The following KRT39 variants were observed in gnomAD, a reference collection of about 807,000 sequenced individuals.
KRT39 encodes keratin, type I cytoskeletal 39.
KRT39 carries 47 observed loss-of-function variants against 54.8 expected under a neutral mutation model. The observed-to-expected ratio is 0.86, with a 90% confidence interval of 0.68 to 1.09. The LOEUF (loss-of-function observed/expected upper bound fraction) is 1.09. KRT39 is among the 50% of genes least tolerant of loss of function. The pLI, the probability that KRT39 is intolerant of heterozygous loss-of-function variation, is 0.00. For missense variants in KRT39, 580 were observed against 598.5 expected (o/e 0.97, Z 0.32); for synonymous variants, 207 against 227.9 (o/e 0.91, Z 0.83).
In KRT39 at chr17:40,959,093, T is replaced by G. The variant is rs141756966; in HGVS notation, c.1218-234A>C. Among the ~76,000 whole-genome samples the G allele has an allele frequency of 2.0e-5, 3 of 152,352 alleles. No individual in the cohort carries two copies. In the East Asian group the frequency reaches 5.8e-4, roughly 29 times the overall value. On this transcript the variant is annotated intron_variant, in intron 6 of 6. Transcript: ENST00000355612. ...ATTCGATTATGTAAGTTTCCATTAG[T>G]CAATACCATCACATTGTGGAAAGAA...
chr17:40,960,350 A>T lies in KRT39; in HGVS notation c.1148T>A (p.Leu383Gln), dbSNP rs1398270676. 6.2e-7 allele frequency: 1 copy of T among 1,613,990 alleles called. No individual in the cohort carries two copies. The highest frequency in any genetic ancestry group is 1.3e-5 in the African/African-American group (1 of 74,896). The change falls in exon 6 of 7, where the codon CTG becomes CAG. Residue 383 changes from leucine to glutamine, a missense_variant. Physicochemically the swap from Leu to Gln is moderately radical, Grantham distance 113. Coordinates refer to ENST00000355612, the MANE Select transcript of KRT39 (RefSeq NM_213656.4). ...ERQNQEYEIL[L>Q]DVKSRLECEI... is the part of the protein sequence containing the mutation. ...ACATTCCAGCCGGGACTTGACGTCC[A>T]GCAGGATCTCGTATTCTTGGTTCTG...
intron 1 of KRT39, among the ~76,000 whole-genome samples, chr17:40,965,602 G>T (rs780504119): frequency 6.6e-6 from 1 of 152,146 alleles, no homozygotes; most frequent in South Asian, 2.1e-4. Context: ...AGCAGAATAC[G>T]TCTGTGCATA....
At chr17:40,966,186 A>T (rs1332720869) in intron 1 of KRT39, among the ~76,000 whole-genome samples, 4 of 152,154 alleles carry the variant, frequency 2.6e-5, no homozygotes, top group African/African-American at 9.7e-5. Flanking sequence ...TTAGGATTAC[A>T]GGTGTGCATC....
chr17:40,963,690 G>A lies in KRT39; in HGVS notation c.645C>T (p.Asp215=), dbSNP rs17843020. ...ILNVLTLGKA[D]LEAQVQSLKE... Reference sequence around the variant, plus strand: ...TCAGAGACTGGACTTGTGCCTCTAGGTCGGCCTTGCCCAGGGTCAGCACAT... The same window carrying A: ...TCAGAGACTGGACTTGTGCCTCTAGATCGGCCTTGCCCAGGGTCAGCACAT... Residue 215 remains aspartate, a synonymous_variant, in exon 3 of 7, where the codon GAC becomes GAT. Transcript: ENST00000355612. The A allele has an allele frequency of 0.15, 235,681 of 1,610,654 alleles. 18,717 individuals are homozygous for A. The highest frequency in any genetic ancestry group is 0.28 in the Middle Eastern group (1,671 of 6,046).
intron 3 of KRT39, among the ~76,000 whole-genome samples, chr17:40,962,962 T>G (rs923616679): frequency 6.6e-6 from 1 of 152,302 alleles, no homozygotes; most frequent in Non-Finnish European, 1.5e-5. Flanking sequence ...GGCAGAAGCC[T>G]GTATAGGGAT....
rs571586115 is a variant in KRT39 at position 40,958,674 on chromosome 17, A to G, written c.1403T>C (p.Ile468Thr). Residue 468 changes from isoleucine (I) to threonine (T), a missense_variant, in exon 7 of 7, where the codon ATT (isoleucine) becomes ACT (threonine). Transcript: ENST00000355612. ...LVKICTITKE[I>T]KDGKVISSYE... ...AGAAGAAATGACCTTCCCATCCTTA[A>G]TCTCCTTGGTGATGGTGCAAATTTT... 1 of 1,614,038 alleles carries G rather than the reference A, an allele frequency of 6.2e-7. No individual in the cohort carries two copies. Among genetic ancestry groups the G allele is most frequent in the South Asian group, 1.1e-5 (1 of 91,070 alleles).
Position 40,960,606 on chromosome 17 carries a change from A to G in KRT39, c.997-105T>C, listed in dbSNP as rs1911115135. The G allele has an allele frequency of 3.7e-5, 28 of 748,532 alleles. No individual in the cohort carries two copies. The South Asian group carries it at 4.5e-4, about 12-fold the overall frequency. The allele number at this position is 748,532 out of a possible 1,614,324, so 46.4% of individuals were successfully genotyped here. A position where few individuals can be genotyped will look rare whatever the true frequency, so the allele number is the denominator to read the frequency against. On this transcript the variant is annotated intron_variant, in intron 5 of 6. Coordinates refer to ENST00000355612, the MANE Select transcript of KRT39 (RefSeq NM_213656.4). ...ATGGTTTCTTTGTGACACTACTGAT[A>G]GATCTCCAAGCACTTTATTTATTGT... is the stretch of plus-strand genomic sequence containing the variant.
intron 6 of KRT39, among the ~76,000 whole-genome samples, chr17:40,959,389 A>G (rs1026413969): frequency 5.3e-5 from 8 of 152,244 alleles, no homozygotes; most frequent in Admixed American, 4.6e-4. Context: ...AAGAGTCCTC[A>G]CTGTGTCATC....
intron 3 of KRT39, 79 bp from the exon 4 acceptor site, chr17:40,962,642 G>T: frequency 8.1e-7 from 1 of 1,238,732 alleles, no homozygotes; most frequent in East Asian, 2.3e-5. Flanking sequence ...TAACTGCTAC[G>T]ATTTAGCTTA....
At chr17:40,959,803 G>A (rs1029542690) in intron 6 of KRT39, among the ~76,000 whole-genome samples, 3 of 152,162 alleles carry the variant, frequency 2.0e-5, no homozygotes, top group African/African-American at 7.2e-5. Flanking sequence ...ACATACATGT[G>A]TACATGCTTC....
chr17:40,960,332 AG>A lies in KRT39; in HGVS notation c.1165del (p.Leu389TrpfsTer41). On this transcript the variant is annotated frameshift_variant, in exon 6 of 7. Coordinates refer to ENST00000355612, the MANE Select transcript of KRT39 (RefSeq NM_213656.4). LOFTEE classifies it high-confidence loss of function. ...YEILLDVKSR[L>X]ECEITTYRSL... ...GCGGTATGTGGTAATCTCACATTCC[AG>A]CCGGGACTTGACGTCCAGCAGGATC... is the stretch of plus-strand genomic sequence containing the variant. 6.2e-7 allele frequency: 1 copy of A among 1,613,914 alleles called. No homozygotes were observed.
Position 40,966,394 on chromosome 17 carries a change from G to A in KRT39, c.463C>T (p.Gln155Ter), listed in dbSNP as rs1911396757. 1 of 1,602,974 alleles carries A rather than the reference G, an allele frequency of 6.2e-7. No homozygotes were observed. The highest frequency in any genetic ancestry group is 1.3e-5 in the African/African-American group (1 of 74,556). Reference sequence around the variant, plus strand: ...CAGGTTCTTAGGAATCTTACCTTCTGCTGGAGCTCCTCAATGGTAGTGTAG... The same window carrying A: ...CAGGTTCTTAGGAATCTTACCTTCTACTGGAGCTCCTCAATGGTAGTGTAG... ...SYYTTIEELQ[Q>*]KILCTKAENS... Residue 155 changes from glutamine to a stop codon, truncating the protein, a stop_gained, in exon 1 of 7, where the codon CAG becomes TAG. Coordinates refer to ENST00000355612, the MANE Select transcript of KRT39 (RefSeq NM_213656.4). LOFTEE classifies it high-confidence loss of function.
Position 40,958,652 on chromosome 17 carries a change from A to C in KRT39, c.1425T>G (p.Ser475=). ...AACAAGGCTGCACATGCTCGTAAGAAGAAATGACCTTCCCATCCTTAATCT... is the reference window on the plus strand; with the variant it reads ...AACAAGGCTGCACATGCTCGTAAGACGAAATGACCTTCCCATCCTTAATCT... ...TKEIKDGKVI[S]SYEHVQPCFI... Residue 475 remains serine, a synonymous_variant, in exon 7 of 7, where the codon TCT becomes TCG. Transcript: ENST00000355612. 1.9e-6 allele frequency: 3 copies of C among 1,613,990 alleles called. No individual in the cohort carries two copies. The highest frequency in any genetic ancestry group is 1.7e-6 in the Non-Finnish European group (2 of 1,179,932).
In KRT39 at chr17:40,966,535, C is replaced by A; in HGVS notation, c.322G>T (p.Ala108Ser). The A allele has an allele frequency of 6.2e-7, 1 of 1,614,206 alleles. No homozygotes were observed. The highest frequency in any genetic ancestry group is 8.5e-7 in the Non-Finnish European group (1 of 1,180,022). ...ATTCGCACCTTTTGCAGGTAGTTAGCAAGGCGCTCGTTCAAGATTTGCATG... is the reference window on the plus strand; with the variant it reads ...ATTCGCACCTTTTGCAGGTAGTTAGAAAGGCGCTCGTTCAAGATTTGCATG... ...ETMQILNERL[A>S]NYLQKVRMLE... Residue 108 changes from alanine to serine, a missense_variant, in exon 1 of 7, where the codon GCT becomes TCT. By Grantham distance (99) the Ala-to-Ser change is moderately conservative (BLOSUM62 1). Transcript: ENST00000355612.
In KRT39 at chr17:40,962,613, T is replaced by C. The variant is rs759803232; in HGVS notation, c.709-50A>G. 4 of 1,515,530 alleles carry C rather than the reference T, an allele frequency of 2.6e-6. No individual in the cohort carries two copies. In the Admixed American group the frequency reaches 5.6e-5, roughly 21 times the overall value. The allele number at this position is 1,515,530 out of a possible 1,614,324, so 93.9% of individuals were successfully genotyped here. On this transcript the variant is annotated intron_variant, in intron 3 of 6. Transcript: ENST00000355612. ...GTCACTTGGTGAACAGATAACCCCT[T>C]TGTGTTCTTGTTTCACTCTAACTGC... is the stretch of plus-strand genomic sequence containing the variant.
rs1911109435 is a variant in KRT39 at position 40,960,524 on chromosome 17, G to C, written c.997-23C>G. The C allele has an allele frequency of 4.4e-6, 7 of 1,577,270 alleles. No individual in the cohort carries two copies. The East Asian group carries it at 1.6e-4, about 35-fold the overall frequency. ...TCTCTACCATGGAGAAGGATAGTAGGATTTATAATGACTCCTTTAAGCCCA... is the reference window on the plus strand; with the variant it reads ...TCTCTACCATGGAGAAGGATAGTAGCATTTATAATGACTCCTTTAAGCCCA... On this transcript the variant is annotated intron_variant, in intron 5 of 6. Coordinates refer to ENST00000355612, the MANE Select transcript of KRT39 (RefSeq NM_213656.4).
chr17:40,961,361 T>C (rs1911145386), intron 5 of KRT39, among the ~76,000 whole-genome samples: 1 of 152,220 alleles, frequency 6.6e-6, no homozygotes, highest in Non-Finnish European at 1.5e-5. Context: ...ATTATTTGCA[T>C]GATTATCCCA....
rs764504887 is a variant in KRT39, at chr17:40,958,649, A to G, written c.1428T>C (p.Ser476=). ...TGAAACAAGGCTGCACATGCTCGTA[A>G]GAAGAAATGACCTTCCCATCCTTAA... is the stretch of plus-strand genomic sequence containing the variant. ...KEIKDGKVIS[S]YEHVQPCFII... Residue 476 remains serine, a synonymous_variant, in exon 7 of 7, where the codon TCT becomes TCC. Transcript: ENST00000355612. The G allele has an allele frequency of 6.2e-7, 1 of 1,613,950 alleles. No individual in the cohort carries two copies. The highest frequency in any genetic ancestry group is 1.1e-5 in the South Asian group (1 of 91,030).
chr17:40,966,276 T>TTCAAAAAAATTTTCAGCA (rs1911388669), intron 1 of KRT39, 113 bp downstream of exon 1: 1 of 812,166 alleles, frequency 1.2e-6, no homozygotes. Context: ...TTTTCTATTC[T>TTCAAAAAAATTTTCAGCA]TCAAAAAAAT....
Sources: allele counts gnomAD v4.1 joint callset (sites outside exome capture counted in the v4.1 genomes callset), GRCh38; gene constraint gnomAD v4.1.1; transcripts MANE v1.5; gene names NCBI Gene and HGNC (gene_info 2026-07-23, HGNC 2026-07-21).